Variants in LONP2 observed in about 807,000 individuals in gnomAD.
LONP2 encodes the protein lon peptidase 2, peroxisomal.
A neutral mutation model predicts 85.6 loss-of-function variants in LONP2; 60 were observed. The observed-to-expected ratio is 0.70, with a 90% CI of 0.57 to 0.87. The LOEUF (loss-of-function observed/expected upper bound fraction) is 0.87. Ranked by LOEUF, LONP2 falls within the 40% of genes least tolerant of loss-of-function variation. LONP2 has a pLI of 0.00. For synonymous variants in LONP2, 395 were observed against 389.7 expected (o/e 1.01, Z -0.16); for missense variants, 860 against 1,063.5 (o/e 0.81, Z 2.66).
At chr16:48,319,935 G>A (rs1973226417) in intron 11 of LONP2, among the ~76,000 whole-genome samples, 1 of 152,010 alleles carries the variant, frequency 6.6e-6, no homozygotes, top group Non-Finnish European at 1.5e-5. Context: ...GGGCGAGGTG[G>A]GTGGGTCACG....
At chr16:48,258,453 C>G (rs996454595) in intron 3 of LONP2, among the ~76,000 whole-genome samples, 165 bp from the exon 4 acceptor site, 3 of 151,920 alleles carry the variant, frequency 2.0e-5, no homozygotes, top group Admixed American at 6.6e-5. Flanking sequence ...CTCAAACAAC[C>G]TTGCTGATTA....
chr16:48,351,840 G>A lies in LONP2; in HGVS notation c.*38G>A. 1 of 1,523,890 alleles carries A rather than the reference G, an allele frequency of 6.6e-7. No homozygotes were observed. The highest frequency in any genetic ancestry group is 1.1e-5 in the South Asian group (1 of 89,060). The allele number at this position is 1,523,890 out of a possible 1,614,324, so 94.4% of individuals were successfully genotyped here. On this transcript the variant is annotated 3_prime_UTR_variant, in exon 15 of 15. Transcript: ENST00000285737. ...ATTTTTTAGAATTTTAAGTTATGAA[G>A]TGCTCAAAGGTACTGACACAGTTGA...
At chr16:48,263,233 A>C (rs1057423560) in intron 6 of LONP2, among the ~76,000 whole-genome samples, 2 of 152,168 alleles carry the variant, frequency 1.3e-5, no homozygotes, top group Non-Finnish European at 2.9e-5. Flanking sequence ...CATAAGGTCT[A>C]ATGTTAAATT....
chr16:48,311,361 C>CTT (rs568352293), intron 11 of LONP2, among the ~76,000 whole-genome samples: 2 of 140,798 alleles, frequency 1.4e-5, no homozygotes, highest in Middle Eastern at 3.4e-3. Flanking sequence ...ATTCTTTTTT[C>CTT]TTTTTTTTTT....
rs769152108 is a variant in LONP2 at position 48,351,708 on chromosome 16, T to C, written c.2465T>C (p.Val822Ala). 1 of 1,614,214 alleles carries C rather than the reference T, an allele frequency of 6.2e-7. No homozygotes were observed. ...AACGTACGACAGGATTTAAGTTTTG[T>C]CACAGCAAGCTGCCTGGATGAGGTT... The part of the protein sequence containing the change: ...PGNVRQDLSF[V>A]TASCLDEVLN... The change falls in exon 15 of 15, where the codon GTC becomes GCC. Residue 822 changes from valine (V) to alanine (A), a missense_variant. By Grantham distance (64) the Val-to-Ala change is moderately conservative (BLOSUM62 0). Transcript: ENST00000285737.
chr16:48,348,867 G>GAA (rs1231153350), intron 14 of LONP2, among the ~76,000 whole-genome samples: 1 of 152,156 alleles, frequency 6.6e-6, no homozygotes, highest in Non-Finnish European at 1.5e-5. Context: ...GCAGTTACAT[G>GAA]AAAATTTGAG....
chr16:48,288,975 C>T (rs1972505545), intron 8 of LONP2, among the ~76,000 whole-genome samples: 1 of 152,056 alleles, frequency 6.6e-6, no homozygotes, highest in African/African-American at 2.4e-5. Context: ...TCAATGAAAG[C>T]ACTGTGTTCT....
At chr16:48,361,504 T>C, downstream of LONP2, 1 of 1,473,840 alleles carries the variant, frequency 6.8e-7, no homozygotes, top group African/African-American at 1.4e-5. Flanking sequence ...AGTTTTAGGT[T>C]GGCAGACAGA....
Position 48,362,694 on chromosome 16 carries a change from A to C in LONP2, c.*831A>C. On this transcript the variant is annotated 3_prime_UTR_variant, in exon 5 of 5. Transcript: ENST00000565867. The surrounding 1 kb of genome is among the most constrained non-coding windows in gnomAD (Gnocchi z 4.2). ...AACTCCCTTAATCGTCTTTGGATAG[A>C]CTACATAGAATAATAAATGCTAAAA... 2.7e-6 allele frequency: 1 copy of C among 369,322 alleles called. No individual in the cohort carries two copies. Among genetic ancestry groups the C allele is most frequent in the Non-Finnish European group, 5.2e-6 (1 of 193,830 alleles). The allele number at this position is 369,322 out of a possible 1,614,324, so 22.9% of individuals were successfully genotyped here.
intron 7 of LONP2, among the ~76,000 whole-genome samples, chr16:48,275,489 TG>T (rs1813137363): frequency 6.6e-6 from 1 of 152,138 alleles, no homozygotes; most frequent in Admixed American, 6.6e-5. Flanking sequence ...AAAACTAGGT[TG>T]TAAGTAACCA....
At chr16:48,266,327 GT>G (rs373545339) in intron 6 of LONP2, among the ~76,000 whole-genome samples, 199 of 140,544 alleles carry the variant, frequency 1.4e-3, no homozygotes, top group Admixed American at 1.8e-3. Flanking sequence ...TTGGAGAAAG[GT>G]TTTTTTTTTT....
intron 6 of LONP2, among the ~76,000 whole-genome samples, chr16:48,264,834 G>T (rs1028192647): frequency 6.6e-6 from 1 of 152,136 alleles, no homozygotes; most frequent in Non-Finnish European, 1.5e-5. Flanking sequence ...GGCTTCAGCC[G>T]GTCCCTCCGT....
intron 12 of LONP2, among the ~76,000 whole-genome samples, chr16:48,336,856 C>T (rs1001637091): frequency 6.6e-6 from 1 of 152,110 alleles, no homozygotes; most frequent in Admixed American, 6.6e-5. Context: ...GGCCTGACAT[C>T]GTGTTTTGAG....
intron 8 of LONP2, among the ~76,000 whole-genome samples, chr16:48,279,268 A>G (rs1333869219): frequency 6.6e-6 from 1 of 152,204 alleles, no homozygotes; most frequent in Non-Finnish European, 1.5e-5. Context: ...AGTAAGGGAC[A>G]AAAAGGCTGA....
At chr16:48,277,582 T>C in intron 8 of LONP2, 103 bp downstream of exon 8, 1 of 1,149,324 alleles carries the variant, frequency 8.7e-7, no homozygotes, top group Non-Finnish European at 1.2e-6. Flanking sequence ...GCTTTAGTTA[T>C]GGGAAAAACA....
Position 48,303,320 on chromosome 16 carries a change from T to G in LONP2, c.1795+15T>G, listed in dbSNP as rs374299185. The G allele has an allele frequency of 4.3e-6, 7 of 1,610,102 alleles. No individual in the cohort carries two copies. In the African/African-American group the frequency reaches 9.4e-5, roughly 22 times the overall value. Reference sequence around the variant, plus strand: ...TGAGAGAGAAGGTTGGTGACCTTGTTCTGGCATTCTCAGGCCTGGTGGCTA... The same window carrying G: ...TGAGAGAGAAGGTTGGTGACCTTGTGCTGGCATTCTCAGGCCTGGTGGCTA... On this transcript the variant is annotated intron_variant, in intron 11 of 14. Coordinates refer to ENST00000285737, the MANE Select transcript of LONP2 (RefSeq NM_031490.5).
chr16:48,299,451 G>T (rs1972752815), intron 9 of LONP2, among the ~76,000 whole-genome samples: 1 of 151,854 alleles, frequency 6.6e-6, no homozygotes, highest in South Asian at 2.1e-4. Context: ...GCGTGGTTGT[G>T]CATGCCTGTA....
At chr16:48,320,506 T>C (rs1450155758) in intron 11 of LONP2, among the ~76,000 whole-genome samples, 1 of 152,008 alleles carries the variant, frequency 6.6e-6, no homozygotes, top group Non-Finnish European at 1.5e-5. Context: ...CTAATTGGAT[T>C]TTACAAATAA....
intron 11 of LONP2, among the ~76,000 whole-genome samples, chr16:48,330,804 T>C (rs1959415011): frequency 6.6e-6 from 1 of 152,162 alleles, no homozygotes; most frequent in African/African-American, 2.4e-5. Flanking sequence ...CAGATTATTT[T>C]TGAGGTTACT....
Sources: gnomAD v4.1 joint callset for allele counts (sites outside exome capture counted in the v4.1 genomes callset) on GRCh38, gnomAD v4.1.1 for gene constraint, Gnocchi (gnomAD v3.1) non-coding constraint, MANE v1.5 for transcripts, NCBI Gene and HGNC (gene_info 2026-07-23, HGNC 2026-07-21) for gene names.